THRB: variants seen among roughly 807,000 people sequenced by gnomAD.
THRB encodes thyroid hormone receptor beta, also known as nuclear receptor subfamily 1 group A member 2.
In THRB, 12 loss-of-function variants were observed where a neutral mutation model predicts 47.8. That is an observed-to-expected ratio of 0.25 (90% CI 0.16 to 0.41). The LOEUF is 0.41. Among genes scored for constraint, THRB ranks in the 10% least tolerant of loss-of-function variants. The probability of loss-of-function intolerance (pLI) is 1.00; values close to 1 mark genes in which losing one functional copy is unlikely to be tolerated. For synonymous variants in THRB, 218 were observed against 212.2 expected, an observed-to-expected ratio of 1.03 and a Z score of -0.24; for missense variants, 348 against 589.2, an observed-to-expected ratio of 0.59 and a Z score of 4.24.
intron 1 of THRB, among the ~76,000 whole-genome samples, chr3:24,397,896 C>G (rs529211010): frequency 5.9e-5 from 9 of 152,190 alleles, no homozygotes; most frequent in African/African-American, 2.2e-4. Flanking sequence ...CTGAGGGAAA[C>G]AGCCCACATA....
intron 1 of THRB, among the ~76,000 whole-genome samples, chr3:24,346,793 A>G (rs937732611): frequency 1.3e-5 from 2 of 152,046 alleles, no homozygotes; most frequent in Non-Finnish European, 2.9e-5. Flanking sequence ...CATTGCTAGA[A>G]CTAGAAAAAG....
At chr3:24,456,542 T>C (rs994415268) in intron 1 of THRB, among the ~76,000 whole-genome samples, 1 of 151,678 alleles carries the variant, frequency 6.6e-6, no homozygotes, top group African/African-American at 2.4e-5. Context: ...AACCAGTTTG[T>C]ATACTATCTT....
intron 5 of THRB, chr3:24,165,717 G>A (rs1056072551): frequency 3.2e-5 from 6 of 188,552 alleles, no homozygotes; most frequent in African/African-American, 4.7e-5. Context: ...AGATAGGGAA[G>A]TGACAGCGAG....
At chr3:24,201,786 TG>T (rs2044626192) in intron 4 of THRB, among the ~76,000 whole-genome samples, 2 of 152,172 alleles carry the variant, frequency 1.3e-5, no homozygotes, top group Admixed American at 1.3e-4. Flanking sequence ...GTTCATAAAA[TG>T]GAAAAATCCA....
chr3:24,244,364 T>C (rs1037656604), intron 3 of THRB, among the ~76,000 whole-genome samples: 1 of 152,206 alleles, frequency 6.6e-6, no homozygotes, highest in Non-Finnish European at 1.5e-5. Flanking sequence ...TTGTCAGGCA[T>C]GTGGATTTTC....
At chr3:24,458,386 G>C (rs2073382243) in intron 1 of THRB, 1 of 152,160 alleles carries the variant, frequency 6.6e-6, no homozygotes, top group Non-Finnish European at 1.5e-5. Flanking sequence ...AATGCTTACA[G>C]AAGACTGCAA....
chr3:24,357,759 C>T (rs1306550334), intron 1 of THRB, among the ~76,000 whole-genome samples: 2 of 152,072 alleles, frequency 1.3e-5, no homozygotes, highest in Non-Finnish European at 2.9e-5. Context: ...TAGTGACAGA[C>T]TTTTAGGTTG....
chr3:24,465,791 T>A (rs994319543), intron 1 of THRB, among the ~76,000 whole-genome samples: 28 of 152,204 alleles, frequency 1.8e-4, no homozygotes, highest in Admixed American at 9.2e-4. Flanking sequence ...AGAGATTTTT[T>A]TCCCACATTT....
At chr3:24,323,237 T>C (rs1034610335) in intron 2 of THRB, among the ~76,000 whole-genome samples, 2 of 152,076 alleles carry the variant, frequency 1.3e-5, no homozygotes, top group African/African-American at 4.8e-5. Context: ...GTTTTTTTTT[T>C]TTTGGATCCT....
At chr3:24,206,767 G>A (rs2045408331) in intron 4 of THRB, among the ~76,000 whole-genome samples, 1 of 151,600 alleles carries the variant, frequency 6.6e-6, no homozygotes, top group African/African-American at 2.4e-5. Context: ...AGACTAATAA[G>A]AAAAGAGAGA....
At chr3:24,243,055 C>A (rs2049716127) in intron 3 of THRB, among the ~76,000 whole-genome samples, 1 of 126,178 alleles carries the variant, frequency 7.9e-6, no homozygotes, top group African/African-American at 3.2e-5. Context: ...ATCAAAATCA[C>A]CTGCGCACCT....
At chr3:24,397,241 T>C (rs1241426534) in intron 1 of THRB, among the ~76,000 whole-genome samples, 5 of 152,116 alleles carry the variant, frequency 3.3e-5, no homozygotes, top group Non-Finnish European at 7.4e-5. Flanking sequence ...TCTTGGAAGA[T>C]TACAAACACT....
intron 3 of THRB, among the ~76,000 whole-genome samples, chr3:24,270,654 T>C (rs2053233745): frequency 6.6e-6 from 1 of 152,174 alleles, no homozygotes; most frequent in Non-Finnish European, 1.5e-5. Context: ...CATCAGGTCA[T>C]GGAGATTTAA....
intron 2 of THRB, among the ~76,000 whole-genome samples, chr3:24,318,649 T>C (rs1215948659): frequency 6.6e-6 from 1 of 152,220 alleles, no homozygotes; most frequent in East Asian, 1.9e-4. Flanking sequence ...GCACAGTGCC[T>C]GGAACAAAGT....
chr3:24,136,538 G>A (rs1484585584), intron 8 of THRB, among the ~76,000 whole-genome samples: 1 of 152,174 alleles, frequency 6.6e-6, no homozygotes, highest in East Asian at 1.9e-4. Flanking sequence ...TAAAAATAGA[G>A]TATAAATATT....
chr3:24,310,434 G>T (rs191482051), intron 2 of THRB, among the ~76,000 whole-genome samples: 5 of 152,286 alleles, frequency 3.3e-5, no homozygotes, highest in African/African-American at 9.6e-5. Flanking sequence ...CAGAACTTCA[G>T]TGACCACTCA....
At chr3:24,303,915 CGAT>C (rs1478485915) in intron 2 of THRB, among the ~76,000 whole-genome samples, 1 of 152,034 alleles carries the variant, frequency 6.6e-6, no homozygotes, top group African/African-American at 2.4e-5. Context: ...TAATTTTTAA[CGAT>C]GTTTAATTCC....
intron 1 of THRB, among the ~76,000 whole-genome samples, chr3:24,462,857 A>C (rs888564630): frequency 6.6e-5 from 10 of 152,186 alleles, no homozygotes; most frequent in African/African-American, 2.4e-4. Context: ...CAGGCTACCA[A>C]GCTCACCCTC....
intron 5 of THRB, chr3:24,165,453 A>T: frequency 1.5e-6 from 1 of 664,938 alleles, no homozygotes; most frequent in Non-Finnish European, 2.7e-6. Context: ...ATACGCAGAG[A>T]AGCATACATA....
Sources: gnomAD v4.1 joint callset for allele counts (sites outside exome capture counted in the v4.1 genomes callset) on GRCh38, gnomAD v4.1.1 for gene constraint, MANE v1.5 for transcripts, NCBI Gene and HGNC (gene_info 2026-07-23, HGNC 2026-07-21) for gene names.